The following STK39 variants were observed in gnomAD, a reference collection of about 807,000 sequenced individuals.
STK39 encodes the protein serine/threonine kinase 39.
A neutral mutation model predicts 77.8 loss-of-function variants in STK39; 20 were observed. The ratio of observed to expected loss-of-function variants is 0.26; its 90% CI spans 0.18 to 0.37. The LOEUF (loss-of-function observed/expected upper bound fraction) is 0.37. Ranked by LOEUF, STK39 falls within the 10% of genes least tolerant of loss-of-function variation. STK39 has a pLI of 1.00. For synonymous variants in STK39, 246 were observed against 234.1 expected (o/e 1.05, Z -0.47); for missense variants, 479 against 656.5 (o/e 0.73, Z 2.95).
chr2:168,176,180 T>C (rs1688951932), intron 2 of STK39, among the ~76,000 whole-genome samples: 1 of 152,132 alleles, frequency 6.6e-6, no homozygotes, highest in Non-Finnish European at 1.5e-5. Context: ...TAGGGTCAAA[T>C]TAAAAAGATG....
At chr2:168,090,550 C>G (rs1231660183) in intron 10 of STK39, among the ~76,000 whole-genome samples, 1 of 152,214 alleles carries the variant, frequency 6.6e-6, no homozygotes, top group East Asian at 1.9e-4. Flanking sequence ...GAGCAGTCAA[C>G]AGAAAACCTT....
intron 14 of STK39, among the ~76,000 whole-genome samples, chr2:168,029,540 G>T (rs564148103): frequency 2.6e-5 from 4 of 152,224 alleles, no homozygotes; most frequent in African/African-American, 9.6e-5. Flanking sequence ...TGGCATTTCT[G>T]CTGGGAGCTG....
At chr2:167,966,927 C>T (rs1692174176) in intron 16 of STK39, among the ~76,000 whole-genome samples, 1 of 152,190 alleles carries the variant, frequency 6.6e-6, no homozygotes, top group African/African-American at 2.4e-5. Flanking sequence ...CAGGGTGATG[C>T]TAATTTCTTT....
At position 167,979,109 on chromosome 2, in the gene STK39, T is replaced by C. The variant is rs183947654; in HGVS notation, c.1499-14383A>G. Among the ~76,000 whole-genome samples the C allele has an allele frequency of 4.9e-4, 75 of 152,344 alleles. No individual in the cohort carries two copies. The East Asian group carries it at 5.0e-3, about 10-fold the overall frequency. ...TGAATACTTGGGTATTTCTGAGTTC[T>C]GCTGTTACAAAAAAGCTGTTATTAA... On this transcript the variant is annotated intron_variant, in intron 16 of 17. Coordinates refer to ENST00000355999, the MANE Select transcript of STK39 (RefSeq NM_013233.3).
At chr2:168,219,279 CTT>C (rs925794400) in intron 1 of STK39, among the ~76,000 whole-genome samples, 19 of 149,970 alleles carry the variant, frequency 1.3e-4, no homozygotes, top group Non-Finnish European at 2.7e-4. Context: ...GAGTGAGACT[CTT>C]GTTTCAAAAA....
At chr2:168,108,790 C>G (rs1234142471) in intron 10 of STK39, among the ~76,000 whole-genome samples, 1 of 152,170 alleles carries the variant, frequency 6.6e-6, no homozygotes, top group Non-Finnish European at 1.5e-5. Flanking sequence ...AACATATCAT[C>G]AGTTTAGAAG....
intron 1 of STK39, among the ~76,000 whole-genome samples, chr2:168,242,572 T>TATATATATATATATAAAGA (rs1690794284): frequency 1.5e-5 from 1 of 68,574 alleles, no homozygotes; most frequent in African/African-American, 6.3e-5. Context: ...TATATATATA[T>TATATATATATATATAAAGA]ATATATATAT....
At chr2:168,083,497 C>T (rs541477966) in intron 10 of STK39, among the ~76,000 whole-genome samples, 4 of 152,164 alleles carry the variant, frequency 2.6e-5, no homozygotes, top group Non-Finnish European at 5.9e-5. Context: ...AGTTCACAGT[C>T]CAGACAGGTG....
At chr2:168,090,803 A>ATGAG (rs1307222736) in intron 10 of STK39, among the ~76,000 whole-genome samples, 2 of 152,118 alleles carry the variant, frequency 1.3e-5, no homozygotes, top group Non-Finnish European at 2.9e-5. Context: ...GTTAATAGTG[A>ATGAG]TGAGTATAGG....
At chr2:168,101,666 A>G (rs1467521192) in intron 10 of STK39, among the ~76,000 whole-genome samples, 2 of 152,130 alleles carry the variant, frequency 1.3e-5, no homozygotes, top group East Asian at 3.8e-4. Context: ...TGAACCTGGG[A>G]GGCAGAGGCT....
At chr2:167,975,540 G>A (rs2105258662) in intron 16 of STK39, among the ~76,000 whole-genome samples, 1 of 152,328 alleles carries the variant, frequency 6.6e-6, no homozygotes, top group South Asian at 2.1e-4. Context: ...TGTAGGCCGG[G>A]CACGGTGGCT....
chr2:168,071,773 G>T (rs1685946479), intron 12 of STK39, among the ~76,000 whole-genome samples: 1 of 151,786 alleles, frequency 6.6e-6, no homozygotes, highest in South Asian at 2.1e-4. Flanking sequence ...GAGAGGCTGA[G>T]GCAGGAGAAA....
At chr2:168,014,663 A>G (rs1157015316) in intron 15 of STK39, among the ~76,000 whole-genome samples, 24 of 152,178 alleles carry the variant, frequency 1.6e-4, no homozygotes, top group Admixed American at 1.5e-3. Flanking sequence ...CTTTAGGGAA[A>G]TAAGTGAACT....
intron 5 of STK39, among the ~76,000 whole-genome samples, chr2:168,157,325 C>T (rs1226091901): frequency 1.3e-5 from 2 of 152,204 alleles, no homozygotes; most frequent in African/African-American, 4.8e-5. Context: ...TTGATGGTAA[C>T]TTTCTAGAGT....
intron 12 of STK39, among the ~76,000 whole-genome samples, chr2:168,069,191 C>T (rs1685876020): frequency 6.6e-6 from 1 of 152,274 alleles, no homozygotes; most frequent in South Asian, 2.1e-4. Flanking sequence ...GCTGGGATTA[C>T]AGGCATGAGC....
At chr2:168,101,198 G>A (rs1365083550) in intron 10 of STK39, among the ~76,000 whole-genome samples, 1 of 152,086 alleles carries the variant, frequency 6.6e-6, no homozygotes, top group Non-Finnish European at 1.5e-5. Context: ...CACACACCAG[G>A]GCTTGTCGGG....
intron 17 of STK39, among the ~76,000 whole-genome samples, chr2:167,960,977 T>C (rs938233681): frequency 7.2e-5 from 11 of 152,152 alleles, no homozygotes; most frequent in African/African-American, 2.2e-4. Flanking sequence ...AGAATTTACA[T>C]TGTAATCCAG....
At chr2:168,242,561 ATATAT>A (rs1185051830) in intron 1 of STK39, among the ~76,000 whole-genome samples, 1,456 of 68,184 alleles carry the variant, frequency 0.021, 205 homozygotes, top group African/African-American at 0.053. Context: ...AAAAAAAAAA[ATATAT>A]ATATATATAT....
intron 2 of STK39, among the ~76,000 whole-genome samples, chr2:168,180,235 T>G (rs975108512): frequency 6.6e-6 from 1 of 152,190 alleles, no homozygotes. Context: ...TAATCCCAGC[T>G]ACTCGGGAGG....
Sources: gnomAD v4.1 joint callset for allele counts (sites outside exome capture counted in the v4.1 genomes callset) on GRCh38, gnomAD v4.1.1 for gene constraint, MANE v1.5 for transcripts, NCBI Gene and HGNC (gene_info 2026-07-23, HGNC 2026-07-21) for gene names.